The following TGFB2 variants were observed in gnomAD, a reference collection of about 807,000 sequenced individuals.
The protein encoded by TGFB2 is transforming growth factor beta-2 proprotein.
A neutral mutation model predicts 42.7 loss-of-function variants in TGFB2; 13 were observed. That is an observed-to-expected ratio of 0.30 (90% confidence interval 0.20 to 0.48). The LOEUF is 0.48. Ranked by LOEUF, TGFB2 falls within the 20% of genes least tolerant of loss-of-function variation. The pLI is 0.99. For synonymous variants in TGFB2, 193 were observed against 193.6 expected (o/e 1.00, Z 0.03); for missense variants, 390 against 517.5 (o/e 0.75, Z 2.39).
At chr1:218,422,961 C>G (rs1659504780) in intron 2 of TGFB2, among the ~76,000 whole-genome samples, 1 of 152,080 alleles carries the variant, frequency 6.6e-6, no homozygotes, top group Non-Finnish European at 1.5e-5. Flanking sequence ...ATTAACTGAT[C>G]ATATTAAATA....
chr1:218,394,258 T>C (rs373439128), intron 1 of TGFB2, among the ~76,000 whole-genome samples: 4 of 152,076 alleles, frequency 2.6e-5, no homozygotes, highest in East Asian at 3.9e-4. Flanking sequence ...CAGCACCCAA[T>C]GCTTTTACTG....
At chr1:218,434,690 A>G (rs1199279839) in intron 4 of TGFB2, among the ~76,000 whole-genome samples, 2 of 152,174 alleles carry the variant, frequency 1.3e-5, no homozygotes, top group African/African-American at 4.8e-5. Flanking sequence ...TAACTGATTA[A>G]CTCATTAACC....
chr1:218,345,557 G>C lies in TGFB2; in HGVS notation c.-1145G>C, dbSNP rs527548756. 1 of 153,114 alleles carries C rather than the reference G, an allele frequency of 6.5e-6. No homozygotes were observed. The highest frequency in any genetic ancestry group is 1.9e-4 in the East Asian group (1 of 5,176). The allele number at this position is 153,114 out of a possible 1,614,324, so 9.5% of individuals were successfully genotyped here. ...TGAGGGGCTGCCCGGCTGCAGACAG[G>C]AGGAGACAGAGAGGATCTATTTTAG... On this transcript the variant is annotated 5_prime_UTR_variant, in exon 1 of 7. Transcript: ENST00000366930.
At chr1:218,395,672 C>T (rs907342039) in intron 1 of TGFB2, among the ~76,000 whole-genome samples, 6 of 148,012 alleles carry the variant, frequency 4.1e-5, no homozygotes, top group South Asian at 4.3e-4. Context: ...AGTGCAGTGG[C>T]GCAATCTCGG....
At chr1:218,369,555 CA>C (rs555219079) in intron 1 of TGFB2, among the ~76,000 whole-genome samples, 49 of 152,288 alleles carry the variant, frequency 3.2e-4, no homozygotes, top group African/African-American at 1.2e-3. Context: ...GAGGAGCAGC[CA>C]GTTCTGCAGC....
chr1:218,421,629 G>T (rs1395095980), intron 2 of TGFB2, among the ~76,000 whole-genome samples: 1 of 151,680 alleles, frequency 6.6e-6, no homozygotes, highest in Non-Finnish European at 1.5e-5. Flanking sequence ...GTTAGAAGTG[G>T]GATTGTGTCC....
intron 1 of TGFB2, among the ~76,000 whole-genome samples, chr1:218,377,846 C>G (rs536357803): frequency 1.3e-5 from 2 of 152,340 alleles, no homozygotes; most frequent in East Asian, 3.9e-4. Flanking sequence ...TTCTTTCTTA[C>G]TAATATAACC....
intron 1 of TGFB2, among the ~76,000 whole-genome samples, chr1:218,358,951 T>G (rs1657126953): frequency 6.6e-6 from 1 of 152,218 alleles, no homozygotes; most frequent in Admixed American, 6.5e-5. Flanking sequence ...GGAGGACTTT[T>G]CTGTGCAAAG....
At chr1:218,441,145 G>T in intron 6 of TGFB2, 59 bp from the exon 7 acceptor site, 1 of 1,514,728 alleles carries the variant, frequency 6.6e-7, no homozygotes, top group South Asian at 1.2e-5. Context: ...TTTTAAAAAC[G>T]AATTGCGTTC....
chr1:218,432,672 AATAG>A (rs1216551819), intron 2 of TGFB2, among the ~76,000 whole-genome samples: 1 of 152,244 alleles, frequency 6.6e-6, no homozygotes, highest in Non-Finnish European at 1.5e-5. Flanking sequence ...ATAAACATTT[AATAG>A]ATATTGATTC....
At chr1:218,399,755 T>G (rs1658650961) in intron 1 of TGFB2, among the ~76,000 whole-genome samples, 1 of 151,988 alleles carries the variant, frequency 6.6e-6, no homozygotes, top group Non-Finnish European at 1.5e-5. Flanking sequence ...CCTCCTGTTC[T>G]TTCTCTCCTC....
At chr1:218,360,456 A>G (rs1435279002) in intron 1 of TGFB2, among the ~76,000 whole-genome samples, 1 of 152,176 alleles carries the variant, frequency 6.6e-6, no homozygotes, top group Non-Finnish European at 1.5e-5. Context: ...TCTTCTAAAA[A>G]TATCAGGTTT....
chr1:218,382,691 T>C (rs1658003747), intron 1 of TGFB2, among the ~76,000 whole-genome samples: 2 of 152,204 alleles, frequency 1.3e-5, no homozygotes, highest in Non-Finnish European at 1.5e-5. Context: ...CAAGGGATGA[T>C]TTTCTATCAC....
At chr1:218,349,784 ATAT>A (rs1656809882) in intron 1 of TGFB2, among the ~76,000 whole-genome samples, 1 of 152,244 alleles carries the variant, frequency 6.6e-6, no homozygotes. Context: ...TTTGTCTTAA[ATAT>A]TATCCTTGGC....
At chr1:218,428,920 C>G (rs1659714380) in intron 2 of TGFB2, among the ~76,000 whole-genome samples, 1 of 150,626 alleles carries the variant, frequency 6.6e-6, no homozygotes, top group Admixed American at 6.6e-5. Context: ...TATAAATTAC[C>G]TTGGGCAGTA....
Position 218,401,576 on chromosome 1 carries a change from G to A in TGFB2, c.347-3593G>A, listed in dbSNP as rs76317694. Reference sequence around the variant, plus strand: ...TAGGTCAGAAATTGAGAGAAGGAGCGGGCCAGGATGTGAGTGTGGATAAGT... The same window carrying A: ...TAGGTCAGAAATTGAGAGAAGGAGCAGGCCAGGATGTGAGTGTGGATAAGT... On this transcript the variant is annotated intron_variant, in intron 1 of 6. Coordinates refer to ENST00000366930, the MANE Select transcript of TGFB2 (RefSeq NM_003238.6). Among the ~76,000 whole-genome samples, 712 of 152,264 alleles carry A rather than the reference G, an allele frequency of 4.7e-3. 22 individuals carry two copies. In the East Asian group the frequency reaches 0.078, roughly 17 times the overall value.
chr1:218,384,648 C>T (rs897536710), intron 1 of TGFB2, among the ~76,000 whole-genome samples: 1 of 152,182 alleles, frequency 6.6e-6, no homozygotes, highest in Non-Finnish European at 1.5e-5. Context: ...TGGCCCTGTA[C>T]ATATTGAGAG....
Position 218,352,716 on chromosome 1 carries a change from G to A in TGFB2, c.346+5669G>A, listed in dbSNP as rs79384236. Reference sequence around the variant, plus strand: ...CTTCCTGAATTGGCTTGGTGGTCTTGACTCTGAATGAAACTGCCCCTTGGC... The same window carrying A: ...CTTCCTGAATTGGCTTGGTGGTCTTAACTCTGAATGAAACTGCCCCTTGGC... On this transcript the variant is annotated intron_variant, in intron 1 of 6. Coordinates refer to ENST00000366930, the MANE Select transcript of TGFB2 (RefSeq NM_003238.6). Among the ~76,000 whole-genome samples the A allele has an allele frequency of 6.4e-3, 971 of 152,278 alleles. 11 individuals are homozygous for A. Among genetic ancestry groups the A allele is most frequent in the African/African-American group, 0.021 (882 of 41,566 alleles).
At chr1:218,434,027 G>A (rs890920762) in intron 2 of TGFB2, 55 bp from the exon 3 acceptor site, 2 of 1,605,486 alleles carry the variant, frequency 1.2e-6, no homozygotes, top group Admixed American at 3.4e-5. Context: ...TTTTGGTTTA[G>A]TCATGCTGTC....
Sources: gnomAD v4.1 joint callset for allele counts (sites outside exome capture counted in the v4.1 genomes callset) on GRCh38, gnomAD v4.1.1 for gene constraint, MANE v1.5 for transcripts, NCBI Gene and HGNC (gene_info 2026-07-23, HGNC 2026-07-21) for gene names.